The following ARHGAP32 variants were observed in gnomAD, a reference collection of about 807,000 sequenced individuals.
ARHGAP32 encodes Rho GTPase activating protein 32.
A neutral mutation model predicts 186.5 loss-of-function variants in ARHGAP32; 51 were observed. The ratio of observed to expected loss-of-function variants is 0.27; its 90% CI spans 0.22 to 0.35. The LOEUF is 0.35. ARHGAP32 is among the 10% of genes least tolerant of loss of function. The pLI, the probability that ARHGAP32 is intolerant of heterozygous loss-of-function variation, is 1.00. For missense variants in ARHGAP32, 2,186 were observed against 2,623.5 expected, an observed-to-expected ratio of 0.83 and a Z score of 3.64; for synonymous variants, 950 against 964.3, an observed-to-expected ratio of 0.99 and a Z score of 0.27.
intron 2 of ARHGAP32, among the ~76,000 whole-genome samples, chr11:129,139,368 G>A (rs984662340): frequency 6.6e-6 from 1 of 152,004 alleles, no homozygotes; most frequent in Non-Finnish European, 1.5e-5. Flanking sequence ...AACAACAACA[G>A]ATTATATATA....
At position 129,214,739 on chromosome 11, in the gene ARHGAP32, G is replaced by C. The variant is rs1322085894; in HGVS notation, c.-4-50312C>G. On this transcript the variant is annotated intron_variant, in intron 1 of 6. Transcript: ENST00000525234. ...CAGCATGAATTCAGCATTTGCTTAC[G>C]CGTGACTTCATCTGACAAGAGCACT... Among the ~76,000 whole-genome samples, 3 of 152,250 alleles carry C rather than the reference G, an allele frequency of 2.0e-5. No homozygotes were observed. The South Asian group carries it at 6.2e-4, about 32-fold the overall frequency.
chr11:129,193,013 C>T (rs1944297667), upstream of ARHGAP32, among the ~76,000 whole-genome samples: 1 of 151,996 alleles, frequency 6.6e-6, no homozygotes. Context: ...ACAACTGTTA[C>T]TTAGAAAAGA....
At chr11:129,031,610 A>G (rs1009783397) in intron 11 of ARHGAP32, among the ~76,000 whole-genome samples, 2 of 152,214 alleles carry the variant, frequency 1.3e-5, no homozygotes, top group Non-Finnish European at 2.9e-5. Context: ...CTATTTCTTC[A>G]TATTCTGCAA....
chr11:129,266,140 C>T (rs1945397060), intron 1 of ARHGAP32, among the ~76,000 whole-genome samples: 5 of 151,996 alleles, frequency 3.3e-5, no homozygotes, highest in Non-Finnish European at 4.4e-5. Flanking sequence ...AAAAGGTACA[C>T]GGAACACAAT....
At chr11:129,078,651 C>T (rs940802750) in intron 6 of ARHGAP32, among the ~76,000 whole-genome samples, 4 of 152,140 alleles carry the variant, frequency 2.6e-5, no homozygotes, top group Admixed American at 2.0e-4. Context: ...CACCACCACG[C>T]GTGGCTAACT....
At chr11:129,190,015 T>G (rs1184537978) in intron 1 of ARHGAP32, among the ~76,000 whole-genome samples, 1 of 152,246 alleles carries the variant, frequency 6.6e-6, no homozygotes, top group African/African-American at 2.4e-5. Flanking sequence ...ATCTCAGCTA[T>G]GTGTGTGTAT....
chr11:129,199,422 G>T (rs1944432375), intron 1 of ARHGAP32, among the ~76,000 whole-genome samples: 1 of 152,276 alleles, frequency 6.6e-6, no homozygotes, highest in Admixed American at 6.5e-5. Context: ...GCCCCCTGCT[G>T]TGTGCAGCCT....
chr11:129,000,432 C>T lies in ARHGAP32; in HGVS notation c.1046-1964G>A, dbSNP rs367808548. Among the ~76,000 whole-genome samples, 29 of 152,258 alleles carry T rather than the reference C, an allele frequency of 1.9e-4. No homozygotes were observed. In the South Asian group the frequency reaches 4.8e-3, roughly 25 times the overall value. ...AAGCCAGATGGCCTAAATCCCCCTA[C>T]TAAGTTTGCAGATGATTACTGAGAG... On this transcript the variant is annotated intron_variant, in intron 11 of 22. Transcript: ENST00000682385.
intron 10 of ARHGAP32, among the ~76,000 whole-genome samples, chr11:129,042,661 G>A (rs546303753): frequency 6.6e-6 from 1 of 152,276 alleles, no homozygotes; most frequent in African/African-American, 2.4e-5. Context: ...GATTATAAAA[G>A]TCTCAGGTCG....
At chr11:129,024,203 C>G (rs1165320705) in intron 11 of ARHGAP32, 1 of 984,360 alleles carries the variant, frequency 1.0e-6, no homozygotes, top group Non-Finnish European at 1.2e-6. Context: ...TGCAACACCA[C>G]AGAAACGCCC....
At chr11:129,026,437 G>A (rs994766932) in intron 11 of ARHGAP32, among the ~76,000 whole-genome samples, 6 of 152,040 alleles carry the variant, frequency 3.9e-5, no homozygotes, top group Non-Finnish European at 4.4e-5. Flanking sequence ...TGCATGGGTG[G>A]GAGAGGCAAA....
At chr11:129,155,285 T>C (rs528873962) in intron 2 of ARHGAP32, among the ~76,000 whole-genome samples, 18 of 152,262 alleles carry the variant, frequency 1.2e-4, no homozygotes, top group Middle Eastern at 3.4e-3. Flanking sequence ...TTTTTTAAAA[T>C]TACCAATACA....
In ARHGAP32 at chr11:129,123,077, G is replaced by A. The variant is rs1354756986; in HGVS notation, c.444+369C>T. Among the ~76,000 whole-genome samples, 2 of 151,998 alleles carry A rather than the reference G, an allele frequency of 1.3e-5. No individual in the cohort carries two copies. The highest frequency in any genetic ancestry group is 4.8e-5 in the African/African-American group (2 of 41,382). ...TTTCTGAAAAAGAAGAATAAAGTGA[G>A]AACACTTTAATCTACCAAGTATCAA... On this transcript the variant is annotated intron_variant, in intron 5 of 22. Transcript: ENST00000682385. This position sits in a 1 kb window ranked among gnomAD's most constrained non-coding sequence, Gnocchi z 4.6.
chr11:129,009,382 A>G (rs559753187), intron 11 of ARHGAP32, among the ~76,000 whole-genome samples: 31 of 152,232 alleles, frequency 2.0e-4, no homozygotes, highest in African/African-American at 7.0e-4. Context: ...CAGGATGTGC[A>G]AGTCTATTAT....
Position 128,996,858 on chromosome 11 carries a change from C to T in ARHGAP32, c.1195+1461G>A, listed in dbSNP as rs138726367. Reference sequence around the variant, plus strand: ...GTGCAGTGGCGTGAAATCAGCTTACCGACCCCCACCTCCCAAGCTCAGATG... The same window carrying T: ...GTGCAGTGGCGTGAAATCAGCTTACTGACCCCCACCTCCCAAGCTCAGATG... On this transcript the variant is annotated intron_variant, in intron 12 of 22. Coordinates refer to ENST00000682385, the MANE Select transcript of ARHGAP32 (RefSeq NM_001378024.1). 2.7e-3 allele frequency among the ~76,000 whole-genome samples: 416 copies of T among 152,062 alleles called. 1 individual carries two copies. Among genetic ancestry groups the T allele is most frequent in the Non-Finnish European group, 3.9e-3 (268 of 67,986 alleles).
At chr11:129,252,421 G>A (rs1945197732) in intron 1 of ARHGAP32, among the ~76,000 whole-genome samples, 1 of 152,200 alleles carries the variant, frequency 6.6e-6, no homozygotes. Context: ...CGGTCCTTGA[G>A]AGCGGATTCC....
chr11:129,242,574 C>T (rs918780628), intron 1 of ARHGAP32, among the ~76,000 whole-genome samples: 6 of 151,524 alleles, frequency 4.0e-5, no homozygotes, highest in South Asian at 2.1e-4. Context: ...AAAAATTAGC[C>T]GGGCGTGGTG....
intron 1 of ARHGAP32, among the ~76,000 whole-genome samples, chr11:129,275,415 A>G (rs1332682327): frequency 6.6e-6 from 1 of 152,238 alleles, no homozygotes; most frequent in Admixed American, 6.5e-5. Context: ...GACATTAATT[A>G]GTTTGTCCAG....
intron 1 of ARHGAP32, among the ~76,000 whole-genome samples, chr11:129,240,451 C>T (rs1312020369): frequency 6.6e-6 from 1 of 152,098 alleles, no homozygotes; most frequent in Non-Finnish European, 1.5e-5. Context: ...TCAGTAGGCC[C>T]ATCTCAAGTA....
Sources: allele counts gnomAD v4.1 joint callset (sites outside exome capture counted in the v4.1 genomes callset), GRCh38; gene constraint gnomAD v4.1.1; non-coding constraint Gnocchi (gnomAD v3.1); transcripts MANE v1.5; gene names NCBI Gene and HGNC (gene_info 2026-07-23, HGNC 2026-07-21).